The following ZNF578 variants were observed in gnomAD, a reference collection of about 807,000 sequenced individuals.
ZNF578 encodes the protein Putative chemokine-related protein B42.
Under a neutral mutation model 8.3 loss-of-function variants are expected in ZNF578, and 8 were observed. The observed-to-expected ratio is 0.96, with a 90% CI of 0.56 to 1.74. ZNF578 has a LOEUF of 1.74. ZNF578 is among the 40% of genes most tolerant of loss of function. The pLI, the probability that ZNF578 is intolerant of heterozygous loss-of-function variation, is 0.00. For synonymous variants in ZNF578, 206 were observed against 232.2 expected (o/e 0.89, Z 1.03); for missense variants, 726 against 707.5 (o/e 1.03, Z -0.30).
Position 52,513,685 on chromosome 19 carries a change from G to C in ZNF578, c.*1531G>C, listed in dbSNP as rs577919710. On this transcript the variant is annotated 3_prime_UTR_variant, in exon 6 of 6. Coordinates refer to ENST00000421239, the MANE Select transcript of ZNF578 (RefSeq NM_001099694.2). ...GCGGTGCTTGCAGGGAGCCGAGATCGTGCCACTGCACTCCAGGCTGGGCGA... is the reference window on the plus strand; with the variant it reads ...GCGGTGCTTGCAGGGAGCCGAGATCCTGCCACTGCACTCCAGGCTGGGCGA... Among the ~76,000 whole-genome samples the C allele has an allele frequency of 6.0e-5, 9 of 148,876 alleles. No individual in the cohort carries two copies. In the South Asian group the frequency reaches 1.5e-3, roughly 25 times the overall value.
chr19:52,482,962 T>A (rs2615572), intron 2 of ZNF578, among the ~76,000 whole-genome samples: 15,570 of 130,552 alleles, frequency 0.12, 1,028 homozygotes, highest in Middle Eastern at 0.17. Context: ...AAAAAAAAAA[T>A]AGCCAAGGAT....
chr19:52,497,448 A>G (rs1361427224), intron 3 of ZNF578, among the ~76,000 whole-genome samples: 2 of 152,182 alleles, frequency 1.3e-5, no homozygotes, highest in Non-Finnish European at 2.9e-5. Flanking sequence ...TCGAACTGCT[A>G]ACCTTGTGGT....
At chr19:52,477,707 C>A (rs1010851906) in intron 2 of ZNF578, among the ~76,000 whole-genome samples, 1 of 151,748 alleles carries the variant, frequency 6.6e-6, no homozygotes, top group Non-Finnish European at 1.5e-5. Flanking sequence ...CAGCTCAATT[C>A]CCACATCTTG....
At chr19:52,483,998 G>T (rs2122852950) in intron 2 of ZNF578, among the ~76,000 whole-genome samples, 1 of 152,206 alleles carries the variant, frequency 6.6e-6, no homozygotes, top group East Asian at 1.9e-4. Flanking sequence ...ACCCACGCTG[G>T]CTCCAGTCTC....
chr19:52,495,953 C>T lies in ZNF578; in HGVS notation c.-20+4528C>T, dbSNP rs565100549. ...ACGTGATGAAAGGAGTATTAAAGTG[C>T]TTTTTTTCTCTTTTTGTAATTGGTT... On this transcript the variant is annotated intron_variant, in intron 3 of 5. Coordinates refer to ENST00000421239, the MANE Select transcript of ZNF578 (RefSeq NM_001099694.2). Among the ~76,000 whole-genome samples, 5 of 152,188 alleles carry T rather than the reference C, an allele frequency of 3.3e-5. No homozygotes were observed. In the South Asian group the frequency reaches 6.2e-4, roughly 19 times the overall value.
At chr19:52,498,912 G>A (rs1003174377) in intron 3 of ZNF578, among the ~76,000 whole-genome samples, 1 of 152,074 alleles carries the variant, frequency 6.6e-6, no homozygotes, top group Non-Finnish European at 1.5e-5. Flanking sequence ...CAGACTTCTT[G>A]GCTCAAGTGA....
intron 2 of ZNF578, chr19:52,458,917 A>AT (rs2059247771): frequency 6.6e-6 from 1 of 152,190 alleles, no homozygotes; most frequent in Non-Finnish European, 1.5e-5. Context: ...GTTTGTCATA[A>AT]GAGGTTCTTA....
chr19:52,484,877 C>T (rs1477026523), intron 2 of ZNF578, among the ~76,000 whole-genome samples: 1 of 150,632 alleles, frequency 6.6e-6, no homozygotes, highest in Non-Finnish European at 1.5e-5. Flanking sequence ...GGACTCAGCC[C>T]GCCTGCACCC....
Position 52,511,633 on chromosome 19 carries a change from C to A in ZNF578, c.1252C>A (p.His418Asn). Residue 418 changes from histidine (H) to asparagine (N), a missense_variant, in exon 6 of 6, where the codon CAT becomes AAT. Transcript: ENST00000421239. ...FNQQSHLSRH[H>N]RLHTGEKPYK... ...TCAACAATCACACCTTTCACGTCAT[C>A]ATAGACTTCATACTGGAGAGAAACC... The A allele has an allele frequency of 6.2e-7, 1 of 1,613,164 alleles. No individual in the cohort carries two copies. Among genetic ancestry groups the A allele is most frequent in the Non-Finnish European group, 8.5e-7 (1 of 1,179,140 alleles).
At chr19:52,487,747 A>G (rs1263409949) in intron 2 of ZNF578, among the ~76,000 whole-genome samples, 1 of 151,474 alleles carries the variant, frequency 6.6e-6, no homozygotes, top group Non-Finnish European at 1.5e-5. Context: ...CTCCTACCTC[A>G]GCCTTCTGAG....
chr19:52,494,883 G>A (rs954511602), intron 3 of ZNF578, among the ~76,000 whole-genome samples: 1 of 152,174 alleles, frequency 6.6e-6, no homozygotes, highest in Non-Finnish European at 1.5e-5. Flanking sequence ...CCAGGCAGGA[G>A]TACAATGGTG....
At chr19:52,469,988 T>C (rs1270379071) in intron 2 of ZNF578, among the ~76,000 whole-genome samples, 2 of 152,140 alleles carry the variant, frequency 1.3e-5, no homozygotes, top group Admixed American at 6.5e-5. Flanking sequence ...TGGGAAAGAT[T>C]GGGAGCATGT....
chr19:52,485,666 T>C (rs748281798), intron 2 of ZNF578, among the ~76,000 whole-genome samples: 2 of 152,228 alleles, frequency 1.3e-5, no homozygotes, highest in Non-Finnish European at 2.9e-5. Flanking sequence ...TCTGTAACCA[T>C]ACCCCCAACC....
intron 4 of ZNF578, among the ~76,000 whole-genome samples, chr19:52,503,760 C>T (rs147378951): frequency 6.7e-6 from 1 of 150,140 alleles, no homozygotes; most frequent in East Asian, 2.0e-4. Flanking sequence ...GTATGTTGAA[C>T]ATAATATCTG....
chr19:52,471,601 A>C (rs1472300667), intron 2 of ZNF578, among the ~76,000 whole-genome samples: 1 of 152,156 alleles, frequency 6.6e-6, no homozygotes, highest in Admixed American at 6.5e-5. Flanking sequence ...ATCCTTTAAC[A>C]ATCATGGTAC....
At chr19:52,489,574 G>A (rs776135549) in intron 2 of ZNF578, among the ~76,000 whole-genome samples, 7 of 151,866 alleles carry the variant, frequency 4.6e-5, no homozygotes, top group Admixed American at 6.6e-5. Flanking sequence ...GGCAACAAGA[G>A]GGATACTCCG....
At chr19:52,504,575 A>G (rs2059418733) in intron 4 of ZNF578, 80 bp from the exon 5 acceptor site, 1 of 1,598,620 alleles carries the variant, frequency 6.3e-7, no homozygotes, top group African/African-American at 1.4e-5. Flanking sequence ...AGAAATACTT[A>G]TTTTCTCTTT....
chr19:52,505,449 G>T (rs751745596), intron 5 of ZNF578, among the ~76,000 whole-genome samples: 32 of 152,136 alleles, frequency 2.1e-4, no homozygotes, highest in Non-Finnish European at 4.1e-4. Flanking sequence ...TTTTGAGACA[G>T]TCTCGCTCTT....
chr19:52,494,868 A>G (rs998752001), intron 3 of ZNF578, among the ~76,000 whole-genome samples: 12 of 152,126 alleles, frequency 7.9e-5, no homozygotes, highest in African/African-American at 2.4e-4. Context: ...GTCTGGCCCT[A>G]TTGCCCAGGC....
Sources: allele counts gnomAD v4.1 joint callset (sites outside exome capture counted in the v4.1 genomes callset), GRCh38; gene constraint gnomAD v4.1.1; transcripts MANE v1.5; gene names NCBI Gene and HGNC (gene_info 2026-07-23, HGNC 2026-07-21).